Variants in TNRC6C observed in about 807,000 individuals in gnomAD.
TNRC6C encodes trinucleotide repeat containing adaptor 6C.
A neutral mutation model predicts 153.7 loss-of-function variants in TNRC6C; 20 were observed. The ratio of observed to expected loss-of-function variants is 0.13; its 90% CI spans 0.09 to 0.19. TNRC6C has a LOEUF of 0.19. Ranked by LOEUF, TNRC6C falls within the 10% of genes least tolerant of loss-of-function variation. The pLI, the probability that TNRC6C is intolerant of heterozygous loss-of-function variation, is 1.00. For missense variants in TNRC6C, 1,987 were observed against 2,172.0 expected (o/e 0.91, Z 1.69); for synonymous variants, 811 against 841.4 (o/e 0.96, Z 0.63).
intron 1 of TNRC6C, among the ~76,000 whole-genome samples, chr17:78,020,251 A>C (rs2071806390): frequency 6.6e-6 from 1 of 152,238 alleles, no homozygotes; most frequent in Non-Finnish European, 1.5e-5. Flanking sequence ...GCAAGCTGGA[A>C]ATATCACTGT....
chr17:77,965,805 C>T (rs558901039), intron 1 of TNRC6C, among the ~76,000 whole-genome samples: 6 of 152,284 alleles, frequency 3.9e-5, no homozygotes, highest in East Asian at 1.9e-4. Flanking sequence ...CTCTTAAGGA[C>T]GCATGTCAAA....
intron 1 of TNRC6C, among the ~76,000 whole-genome samples, chr17:77,988,018 G>T (rs1224037225): frequency 6.6e-6 from 1 of 151,898 alleles, no homozygotes. Context: ...TTAAGATGGT[G>T]GTCAACTGTG....
chr17:77,976,264 C>G (rs2070996314), intron 1 of TNRC6C, among the ~76,000 whole-genome samples: 1 of 152,136 alleles, frequency 6.6e-6, no homozygotes, highest in Non-Finnish European at 1.5e-5. Context: ...TTAACCCTAT[C>G]ATAGACATGA....
chr17:78,006,578 T>TCTTCTTC (rs1466472418), intron 1 of TNRC6C, among the ~76,000 whole-genome samples: 4 of 144,968 alleles, frequency 2.8e-5, no homozygotes, highest in African/African-American at 7.9e-5. Context: ...CCTTCTTCCT[T>TCTTCTTC]CTTCTTCCTT....
intron 2 of TNRC6C, among the ~76,000 whole-genome samples, chr17:78,041,321 C>T (rs916108798): frequency 9.2e-5 from 14 of 152,100 alleles, no homozygotes; most frequent in African/African-American, 2.7e-4. Flanking sequence ...ATCTGCCGCA[C>T]GGAGCAGAGA....
Position 77,970,626 on chromosome 17 carries a change from T to A in TNRC6C, c.-38+11358T>A, listed in dbSNP as rs145483444. On this transcript the variant is annotated intron_variant, in intron 1 of 22. Coordinates refer to the TNRC6C transcript ENST00000636222. ...GCTTTGAATGCGGCCCAAAACAAAT[T>A]AATAAACTTTCTTAAAATACTATGA... Among the ~76,000 whole-genome samples the A allele has an allele frequency of 8.6e-3, 1,313 of 152,224 alleles. 13 individuals carry two copies. The highest frequency in any genetic ancestry group is 0.037 in the South Asian group (177 of 4,822).
rs2073060168 is a variant in TNRC6C at position 78,075,031 on chromosome 17, G to GGAAGGTTCCCTGTGTTTGTGATTGAA, written c.2918-104_2918-103insAAGGTTCCCTGTGTTTGTGATTGAAG. Reference sequence around the variant, plus strand: ...GCCCCTGGCTTCCCTGTGTTTGAAGGGGTGGAGGGTCTCCATCCCTCCTTG... The same window carrying GGAAGGTTCCCTGTGTTTGTGATTGAA: ...GCCCCTGGCTTCCCTGTGTTTGAAGGGAAGGTTCCCTGTGTTTGTGATTGAAGGTGGAGGGTCTCCATCCCTCCTTG... On this transcript the variant is annotated intron_variant, in intron 7 of 19. Coordinates refer to ENST00000301624, the Ensembl canonical transcript of TNRC6C. The surrounding 1 kb of genome is among the most constrained non-coding windows in gnomAD (Gnocchi z 4.2). 2 of 1,382,164 alleles carry GGAAGGTTCCCTGTGTTTGTGATTGAA rather than the reference G, an allele frequency of 1.4e-6. No individual in the cohort carries two copies. Among genetic ancestry groups the GGAAGGTTCCCTGTGTTTGTGATTGAA allele is most frequent in the Non-Finnish European group, 2.0e-6 (2 of 1,015,468 alleles). 85.6% of individuals were successfully genotyped at this position (1,382,164 alleles called of 1,614,324 possible).
Position 78,020,273 on chromosome 17 carries a change from C to T in TNRC6C, c.-545-11243C>T, listed in dbSNP as rs115278734. Among the ~76,000 whole-genome samples, 1,375 of 152,310 alleles carry T rather than the reference C, an allele frequency of 9.0e-3. 24 individuals are homozygous for T. Among genetic ancestry groups the T allele is most frequent in the African/African-American group, 0.031 (1,281 of 41,572 alleles). The stretch of plus-strand genomic sequence containing the variant: ...GGAAATATCACTGTGAGAACAAGTA[C>T]GTGGGTAAACTGAGTGTGCCATGCT... On this transcript the variant is annotated intron_variant, in intron 1 of 19. Transcript: ENST00000301624.
chr17:78,095,812 C>T (rs9913902), intron 16 of TNRC6C, among the ~76,000 whole-genome samples: 2 of 152,224 alleles, frequency 1.3e-5, no homozygotes, highest in South Asian at 2.1e-4. Context: ...GGGTGGCCAA[C>T]GTGGGAGAAT....
At chr17:78,080,763 C>T (rs957941476) in intron 10 of TNRC6C, among the ~76,000 whole-genome samples, 4 of 152,116 alleles carry the variant, frequency 2.6e-5, no homozygotes, top group African/African-American at 9.7e-5. Context: ...TCTTGAAGTA[C>T]TTACAACATT....
chr17:78,040,747 C>T (rs769429391), intron 2 of TNRC6C, among the ~76,000 whole-genome samples: 1 of 152,192 alleles, frequency 6.6e-6, no homozygotes, highest in South Asian at 2.1e-4. Context: ...ATGTTTGTGA[C>T]AATCGAAAGA....
At chr17:77,996,861 A>G (rs1052494281) in intron 1 of TNRC6C, among the ~76,000 whole-genome samples, 2 of 152,178 alleles carry the variant, frequency 1.3e-5, no homozygotes, top group Non-Finnish European at 2.9e-5. Flanking sequence ...CTAGAAGTCC[A>G]CAGATTGTGG....
intron 10 of TNRC6C, among the ~76,000 whole-genome samples, chr17:78,081,588 G>A (rs530889135): frequency 6.6e-6 from 1 of 152,316 alleles, no homozygotes; most frequent in African/African-American, 2.4e-5. Flanking sequence ...AGGTTACAGT[G>A]CAGAAAGAAG....
At chr17:78,046,135 T>C (rs2072403930) in intron 2 of TNRC6C, among the ~76,000 whole-genome samples, 1 of 152,080 alleles carries the variant, frequency 6.6e-6, no homozygotes, top group Non-Finnish European at 1.5e-5. Flanking sequence ...CCTATCCTTT[T>C]CCCATTTCTG....
At chr17:78,019,208 A>G (rs2071787515) in intron 1 of TNRC6C, among the ~76,000 whole-genome samples, 1 of 152,214 alleles carries the variant, frequency 6.6e-6, no homozygotes, top group South Asian at 2.1e-4. Context: ...TGCAGCCAGG[A>G]CTTGAAAAGG....
intron 1 of TNRC6C, among the ~76,000 whole-genome samples, chr17:77,996,319 GA>G (rs1226476713): frequency 1.3e-5 from 2 of 151,710 alleles, no homozygotes; most frequent in East Asian, 1.9e-4. Context: ...AATTTAAGGA[GA>G]AAAAAAAGAG....
intron 1 of TNRC6C, among the ~76,000 whole-genome samples, chr17:78,025,904 T>C (rs2071933189): frequency 6.6e-6 from 1 of 152,192 alleles, no homozygotes; most frequent in South Asian, 2.1e-4. Flanking sequence ...CTGCATGTCA[T>C]GTTCTCTGGG....
intron 1 of TNRC6C, among the ~76,000 whole-genome samples, chr17:78,025,666 A>G (rs891454718): frequency 7.2e-5 from 11 of 152,088 alleles, no homozygotes; most frequent in African/African-American, 2.7e-4. Context: ...ATATATATTT[A>G]TATTTAAGAA....
chr17:78,061,162 T>C (rs2072760824), intron 3 of TNRC6C, among the ~76,000 whole-genome samples: 1 of 152,248 alleles, frequency 6.6e-6, no homozygotes, highest in South Asian at 2.1e-4. Flanking sequence ...TACGGAAATA[T>C]TCTGCAAAAA....
Sources: gnomAD v4.1 joint callset for allele counts (sites outside exome capture counted in the v4.1 genomes callset) on GRCh38, gnomAD v4.1.1 for gene constraint, Gnocchi (gnomAD v3.1) non-coding constraint, MANE v1.5 for transcripts, NCBI Gene and HGNC (gene_info 2026-07-23, HGNC 2026-07-21) for gene names.